STX17: variants seen among roughly 807,000 people sequenced by gnomAD.
STX17 encodes syntaxin 17.
Under a neutral mutation model 35.9 loss-of-function variants are expected in STX17, and 29 were observed. The observed-to-expected ratio is 0.81, with a 90% CI of 0.60 to 1.10. The LOEUF (loss-of-function observed/expected upper bound fraction) is 1.10, where lower values mean the gene tolerates loss of function less well. Among genes scored for constraint, STX17 ranks in the 50% least tolerant of loss-of-function variants. STX17 has a pLI of 0.00. For missense variants in STX17, 312 were observed against 352.3 expected (o/e 0.89, Z 0.92); for synonymous variants, 92 against 118.3 (o/e 0.78, Z 1.44).
At chr9:99,955,557 A>T (rs1321074064) in intron 4 of STX17, among the ~76,000 whole-genome samples, 1 of 152,084 alleles carries the variant, frequency 6.6e-6, no homozygotes, top group Non-Finnish European at 1.5e-5. Context: ...ACTTTTTCTT[A>T]TGTGGTAAAG....
At chr9:99,942,977 CTTCACAAGTGA>C (rs1409457156) in intron 3 of STX17, among the ~76,000 whole-genome samples, 1 of 152,176 alleles carries the variant, frequency 6.6e-6, no homozygotes, top group Non-Finnish European at 1.5e-5. Flanking sequence ...CTACTTCCTT[CTTCACAAGTGA>C]TTTGGATAGT....
chr9:99,920,845 T>C (rs1292355813), intron 2 of STX17, among the ~76,000 whole-genome samples: 1 of 152,200 alleles, frequency 6.6e-6, no homozygotes, highest in Non-Finnish European at 1.5e-5. Context: ...AGTTATAAAA[T>C]CATGTAAACA....
At chr9:99,948,324 A>G (rs980712210) in intron 3 of STX17, among the ~76,000 whole-genome samples, 2 of 152,136 alleles carry the variant, frequency 1.3e-5, no homozygotes, top group Non-Finnish European at 1.5e-5. Context: ...TTTTAGCTAT[A>G]TTAGGTTAAA....
chr9:99,921,200 A>C (rs1280416886), intron 2 of STX17, among the ~76,000 whole-genome samples: 1 of 152,196 alleles, frequency 6.6e-6, no homozygotes, highest in African/African-American at 2.4e-5. Context: ...GCTTCTGAAA[A>C]AAAGTGTGTT....
chr9:99,926,309 T>A (rs910761856), intron 2 of STX17, among the ~76,000 whole-genome samples: 3 of 152,188 alleles, frequency 2.0e-5, no homozygotes, highest in Non-Finnish European at 2.9e-5. Context: ...TCTGGGTCTA[T>A]TTCTGTTGAT....
intron 3 of STX17, among the ~76,000 whole-genome samples, chr9:99,934,479 G>A (rs1021844792): frequency 2.0e-5 from 3 of 152,054 alleles, no homozygotes; most frequent in African/African-American, 4.8e-5. Flanking sequence ...GGTGACTTTT[G>A]ATGTTGAAAT....
intron 2 of STX17, among the ~76,000 whole-genome samples, chr9:99,926,282 C>A (rs1828983981): frequency 6.6e-6 from 1 of 151,988 alleles, no homozygotes; most frequent in African/African-American, 2.4e-5. Context: ...TTTATTAATT[C>A]CATTATCCCT....
chr9:99,955,314 C>T (rs1829685428), intron 4 of STX17, among the ~76,000 whole-genome samples: 1 of 152,012 alleles, frequency 6.6e-6, no homozygotes, highest in Non-Finnish European at 1.5e-5. Flanking sequence ...ATGTACTGAA[C>T]AGTTTTATGA....
chr9:99,943,160 G>A (rs550084863), intron 3 of STX17, among the ~76,000 whole-genome samples: 1 of 152,282 alleles, frequency 6.6e-6, no homozygotes, highest in South Asian at 2.1e-4. Context: ...TTGAGATGCA[G>A]TCTCGGTCTG....
chr9:99,970,448 G>A lies in STX17; in HGVS notation c.*1775G>A, dbSNP rs1829999150. The stretch of plus-strand genomic sequence containing the variant: ...TCCAGTATTGGACACCTGTGATATT[G>A]GACACCTGTGAGGCTGGGATAATTA... On this transcript the variant is annotated 3_prime_UTR_variant, in exon 8 of 8. Transcript: ENST00000259400. The A allele has an allele frequency of 6.6e-6, 1 of 152,120 alleles. No individual in the cohort carries two copies. The highest frequency in any genetic ancestry group is 1.5e-5 in the Non-Finnish European group (1 of 68,020). 9.4% of individuals were successfully genotyped at this position (152,120 alleles called of 1,614,324 possible).
At position 99,969,181 on chromosome 9, in the gene STX17, T is replaced by C. The variant is rs566409546; in HGVS notation, c.*508T>C. 6.6e-6 allele frequency: 1 copy of C among 152,232 alleles called. No homozygotes were observed. The highest frequency in any genetic ancestry group is 1.5e-5 in the Non-Finnish European group (1 of 68,042). 9.4% of individuals were successfully genotyped at this position (152,232 alleles called of 1,614,324 possible). A position where few individuals can be genotyped will look rare whatever the true frequency, so the allele number is the denominator to read the frequency against. On this transcript the variant is annotated 3_prime_UTR_variant, in exon 8 of 8. Transcript: ENST00000259400. Reference sequence around the variant, plus strand: ...TAATGGAGTCCATTGGCGAACCCTATTGCAATTTGGTCCAACTATATCTTC... The same window carrying C: ...TAATGGAGTCCATTGGCGAACCCTACTGCAATTTGGTCCAACTATATCTTC...
At chr9:99,944,675 C>T (rs764176466) in intron 3 of STX17, among the ~76,000 whole-genome samples, 7 of 151,890 alleles carry the variant, frequency 4.6e-5, no homozygotes, top group Non-Finnish European at 7.4e-5. Context: ...CCACCACACC[C>T]GGCTAATTTT....
chr9:99,950,984 A>C (rs1829579621), intron 3 of STX17, 76 bp from the exon 4 acceptor site: 5 of 1,270,278 alleles, frequency 3.9e-6, no homozygotes, highest in Non-Finnish European at 5.4e-6. Context: ...ATCCACAACT[A>C]TTATAACATT....
At chr9:99,925,889 C>T (rs1337815200) in intron 2 of STX17, among the ~76,000 whole-genome samples, 2 of 151,892 alleles carry the variant, frequency 1.3e-5, no homozygotes, top group African/African-American at 2.4e-5. Context: ...TCATTTTTCT[C>T]AAATGTAGAA....
intron 4 of STX17, among the ~76,000 whole-genome samples, chr9:99,952,473 G>A (rs1176475888): frequency 2.6e-5 from 4 of 152,164 alleles, no homozygotes; most frequent in South Asian, 4.1e-4. Context: ...TCAGTGTGGC[G>A]ATTCCTCAAG....
At chr9:99,968,369 C>T (rs1017164380) in intron 7 of STX17, 65 bp from the exon 8 acceptor site, 52 of 1,499,830 alleles carry the variant, frequency 3.5e-5, no homozygotes, top group South Asian at 4.3e-5. Flanking sequence ...GAGAGGAAAA[C>T]GCACATCACC....
intron 1 of STX17, among the ~76,000 whole-genome samples, chr9:99,914,558 A>G (rs1442789351): frequency 1.3e-5 from 2 of 152,174 alleles, no homozygotes; most frequent in African/African-American, 2.4e-5. Flanking sequence ...CAGCTCTGTC[A>G]CTGGTTTTTT....
In STX17 at chr9:99,974,127, C is replaced by G. The variant is rs1383673484; in HGVS notation, c.*5454C>G. Among the ~76,000 whole-genome samples the G allele has an allele frequency of 6.6e-6, 1 of 152,178 alleles. No homozygotes were observed. The highest frequency in any genetic ancestry group is 1.5e-5 in the Non-Finnish European group (1 of 68,034). ...AATTTCTTAACCTTCAAAACAATGT[C>G]AGTGTTGTCACCTGTGCATTTGATA... On this transcript the variant is annotated 3_prime_UTR_variant, in exon 8 of 8. Coordinates refer to ENST00000259400, the MANE Select transcript of STX17 (RefSeq NM_017919.3).
rs765385513 is a variant in STX17, at chr9:99,915,213, A to G, written c.-27A>G. ...ATGAGTGGAGAAGACAGCTGTTACC[A>G]GGGAGGTCATACAACATTTTTTTAG... is the stretch of plus-strand genomic sequence containing the variant. On this transcript the variant is annotated 5_prime_UTR_variant, in exon 2 of 8. Transcript: ENST00000259400. The G allele has an allele frequency of 6.2e-6, 10 of 1,601,090 alleles. No homozygotes were observed. Among genetic ancestry groups the G allele is most frequent in the Non-Finnish European group, 8.5e-6 (10 of 1,174,866 alleles).
Sources: allele counts gnomAD v4.1 joint callset (sites outside exome capture counted in the v4.1 genomes callset), GRCh38; gene constraint gnomAD v4.1.1; transcripts MANE v1.5; gene names NCBI Gene and HGNC (gene_info 2026-07-23, HGNC 2026-07-21).